The following RORB variants were observed in gnomAD, a reference collection of about 807,000 sequenced individuals.
RORB encodes the protein nuclear receptor ROR-beta.
A neutral mutation model predicts 59.1 loss-of-function variants in RORB; 6 were observed. The ratio of observed to expected loss-of-function variants is 0.10; its 90% CI spans 0.06 to 0.20. RORB has a LOEUF of 0.20. RORB is among the 10% of genes least tolerant of loss of function. The pLI is 1.00. For missense variants in RORB, 320 were observed against 560.5 expected (o/e 0.57, Z 4.33); for synonymous variants, 215 against 204.5 (o/e 1.05, Z -0.44).
intron 3 of RORB, among the ~76,000 whole-genome samples, chr9:74,640,431 T>TTC (rs1198662605): frequency 3.8e-5 from 4 of 106,198 alleles, no homozygotes; most frequent in African/African-American, 1.1e-4. Context: ...ACTCGGCTAA[T>TTC]TCTGTGTGTG....
At chr9:74,498,846 C>G in intron 1 of RORB, 2 of 162,528 alleles carry the variant, frequency 1.2e-5, no homozygotes, top group South Asian at 3.3e-4. Flanking sequence ...GGCGGGACCC[C>G]GGGGCGAGCT....
intron 1 of RORB, among the ~76,000 whole-genome samples, chr9:74,518,559 G>A (rs1826041694): frequency 6.6e-6 from 1 of 151,970 alleles, no homozygotes; most frequent in African/African-American, 2.4e-5. Flanking sequence ...GCCTGCGCAA[G>A]TCACCTCTTT....
In RORB at chr9:74,671,843, A is replaced by T. The variant is rs1233477007; in HGVS notation, c.1166A>T (p.Tyr389Phe). Reference sequence around the variant, plus strand: ...GTCCAGAAGCTTCAGGAAAAAATTTATTTTGCACTTCAACATGTGATTCAG... The same window carrying T: ...GTCCAGAAGCTTCAGGAAAAAATTTTTTTTGCACTTCAACATGTGATTCAG... ...RKVQKLQEKI[Y>F]FALQHVIQKN... The change falls in exon 9 of 10, where the codon TAT becomes TTT. Residue 389 changes from tyrosine (Y) to phenylalanine (F), a missense_variant. Transcript: ENST00000376896. The T allele has an allele frequency of 1.2e-6, 2 of 1,612,902 alleles. No homozygotes were observed. Among genetic ancestry groups the T allele is most frequent in the African/African-American group, 2.7e-5 (2 of 74,832 alleles).
intron 1 of RORB, among the ~76,000 whole-genome samples, chr9:74,592,504 T>A (rs7861237): frequency 0.96 from 145,875 of 152,208 alleles, 70,218 homozygotes; most frequent in East Asian, 1. Context: ...CTCGAAATAG[T>A]TGACTTACAT....
chr9:74,522,522 AC>A (rs778380410), intron 1 of RORB, among the ~76,000 whole-genome samples: 1 of 151,778 alleles, frequency 6.6e-6, no homozygotes, highest in Non-Finnish European at 1.5e-5. Flanking sequence ...CACATTATTA[AC>A]CCAATAACTG....
At chr9:74,617,363 T>G (rs140014378) in intron 1 of RORB, among the ~76,000 whole-genome samples, 33 of 152,326 alleles carry the variant, frequency 2.2e-4, no homozygotes, top group African/African-American at 7.5e-4. Context: ...AATTATAATG[T>G]TATTTCTCAC....
chr9:74,589,875 T>C (rs1170595571), intron 1 of RORB, among the ~76,000 whole-genome samples: 1 of 152,202 alleles, frequency 6.6e-6, no homozygotes, highest in Non-Finnish European at 1.5e-5. Context: ...TGCCACAATT[T>C]GCACACTGCT....
chr9:74,667,172 G>T lies in RORB; in HGVS notation c.1001-619G>T, dbSNP rs889437451. Reference sequence around the variant, plus strand: ...CAGTGTAGAGATGCAACATTATTTTGCCAAAATACGCAACAGCTAAGCAAC... The same window carrying T: ...CAGTGTAGAGATGCAACATTATTTTTCCAAAATACGCAACAGCTAAGCAAC... On this transcript the variant is annotated intron_variant, in intron 7 of 9. Transcript: ENST00000376896. 3.9e-5 allele frequency among the ~76,000 whole-genome samples: 6 copies of T among 152,198 alleles called. No individual in the cohort carries two copies. In the South Asian group the frequency reaches 8.3e-4, roughly 21 times the overall value.
At chr9:74,549,811 C>T (rs1462837404) in intron 1 of RORB, among the ~76,000 whole-genome samples, 2 of 152,142 alleles carry the variant, frequency 1.3e-5, no homozygotes, top group Admixed American at 6.5e-5. Flanking sequence ...CACTGCGACC[C>T]TCCGCCTCCC....
At chr9:74,551,632 C>T (rs983996631) in intron 1 of RORB, among the ~76,000 whole-genome samples, 1 of 152,160 alleles carries the variant, frequency 6.6e-6, no homozygotes, top group Non-Finnish European at 1.5e-5. Flanking sequence ...GGGCAGACTA[C>T]TATATTGGAA....
At chr9:74,657,695 T>C (rs1184991507) in intron 4 of RORB, among the ~76,000 whole-genome samples, 1 of 152,126 alleles carries the variant, frequency 6.6e-6, no homozygotes, top group East Asian at 1.9e-4. Context: ...AATTATATTA[T>C]TGTAAGATAC....
intron 1 of RORB, among the ~76,000 whole-genome samples, chr9:74,545,891 G>A (rs918801181): frequency 2.6e-5 from 4 of 152,038 alleles, no homozygotes; most frequent in African/African-American, 4.8e-5. Context: ...TTAAATCAGG[G>A]CAATGGCACA....
chr9:74,518,154 A>G (rs750481083), intron 1 of RORB, among the ~76,000 whole-genome samples: 13 of 151,876 alleles, frequency 8.6e-5, no homozygotes, highest in Non-Finnish European at 1.9e-4. Context: ...TCTGGGGTAC[A>G]CCTCCCTTAC....
intron 1 of RORB, among the ~76,000 whole-genome samples, chr9:74,593,834 G>C (rs1339219326): frequency 6.6e-6 from 1 of 152,112 alleles, no homozygotes; most frequent in Non-Finnish European, 1.5e-5. Flanking sequence ...ATGGCCATCT[G>C]GTGCCATTTT....
At chr9:74,593,949 A>T (rs1291239616) in intron 1 of RORB, among the ~76,000 whole-genome samples, 1 of 152,210 alleles carries the variant, frequency 6.6e-6, no homozygotes, top group Non-Finnish European at 1.5e-5. Flanking sequence ...ACAAAAAGTT[A>T]ACTCATATTC....
At chr9:74,534,545 A>C (rs1002548026) in intron 1 of RORB, among the ~76,000 whole-genome samples, 2 of 151,960 alleles carry the variant, frequency 1.3e-5, no homozygotes, top group African/African-American at 2.4e-5. Flanking sequence ...CTGGCACCAG[A>C]GTGATGGCTT....
chr9:74,538,128 C>G (rs1459284860), intron 1 of RORB, among the ~76,000 whole-genome samples: 1 of 152,030 alleles, frequency 6.6e-6, no homozygotes, highest in Non-Finnish European at 1.5e-5. Flanking sequence ...GTATTTAGTT[C>G]AGTCACATGC....
chr9:74,683,115 C>T (rs1824574095), intron 9 of RORB, among the ~76,000 whole-genome samples: 1 of 152,126 alleles, frequency 6.6e-6, no homozygotes, highest in African/African-American at 2.4e-5. Context: ...CTCTTATTGA[C>T]AAGATTGACA....
At chr9:74,534,524 A>G (rs1324264944) in intron 1 of RORB, among the ~76,000 whole-genome samples, 5 of 152,008 alleles carry the variant, frequency 3.3e-5, no homozygotes, top group African/African-American at 4.8e-5. Flanking sequence ...TCATTTGACC[A>G]TATTTTGCCC....
Sources: allele counts gnomAD v4.1 joint callset (sites outside exome capture counted in the v4.1 genomes callset), GRCh38; gene constraint gnomAD v4.1.1; transcripts MANE v1.5; gene names NCBI Gene and HGNC (gene_info 2026-07-23, HGNC 2026-07-21).